AFG1L: variants seen among roughly 807,000 people sequenced by gnomAD.
The protein encoded by AFG1L is AFG1-like ATPase.
Under a neutral mutation model 62.2 loss-of-function variants are expected in AFG1L, and 53 were observed. The ratio of observed to expected loss-of-function variants is 0.85; its 90% CI spans 0.68 to 1.07. The LOEUF (loss-of-function observed/expected upper bound fraction) is 1.07, where lower values mean the gene tolerates loss of function less well. Ranked by LOEUF, AFG1L falls within the 50% of genes least tolerant of loss-of-function variation. The pLI, the probability that AFG1L is intolerant of heterozygous loss-of-function variation, is 0.00. For missense variants in AFG1L, 555 were observed against 590.5 expected (o/e 0.94, Z 0.62); for synonymous variants, 228 against 210.3 (o/e 1.08, Z -0.73).
At chr6:108,358,135 C>G (rs574893399) in intron 5 of AFG1L, among the ~76,000 whole-genome samples, 3 of 152,250 alleles carry the variant, frequency 2.0e-5, no homozygotes, top group African/African-American at 7.2e-5. Context: ...CTCATTGAGT[C>G]GTTTGAAAAA....
intron 8 of AFG1L, among the ~76,000 whole-genome samples, chr6:108,452,012 G>A (rs940607694): frequency 3.9e-5 from 6 of 152,128 alleles, no homozygotes; most frequent in Non-Finnish European, 8.8e-5. Flanking sequence ...CACCACGCCC[G>A]GCCAGTTTGT....
chr6:108,302,996 TCCGCCTC>T (rs1397221813), intron 1 of AFG1L, among the ~76,000 whole-genome samples: 2 of 152,018 alleles, frequency 1.3e-5, no homozygotes, highest in Non-Finnish European at 2.9e-5. Flanking sequence ...CACTGCAACC[TCCGCCTC>T]CCAGGTTCAT....
At position 108,384,150 on chromosome 6, in the gene AFG1L, T is replaced by C. The variant is rs1399936480; in HGVS notation, c.748+17818T>C. On this transcript the variant is annotated intron_variant, in intron 6 of 12. Coordinates refer to ENST00000368977, the MANE Select transcript of AFG1L (RefSeq NM_145315.5). ...AGCATGGAGAGTTTCCTGTTTTTCA[T>C]GATACCAGCCTCAGGGCAGGGTAAA... is the stretch of plus-strand genomic sequence containing the variant. Among the ~76,000 whole-genome samples, 3 of 151,924 alleles carry C rather than the reference T, an allele frequency of 2.0e-5. No individual in the cohort carries two copies. The East Asian group carries it at 5.8e-4, about 29-fold the overall frequency.
At chr6:108,348,138 G>A (rs188531313) in intron 3 of AFG1L, among the ~76,000 whole-genome samples, 18 of 152,286 alleles carry the variant, frequency 1.2e-4, no homozygotes, top group African/African-American at 4.3e-4. Flanking sequence ...TGGTGCGGTG[G>A]CGCGATCTCG....
chr6:108,306,592 T>C (rs748529859), intron 1 of AFG1L, among the ~76,000 whole-genome samples: 2 of 152,236 alleles, frequency 1.3e-5, no homozygotes, highest in Non-Finnish European at 2.9e-5. Flanking sequence ...AAAGGCTTAT[T>C]ATATTTCTCC....
chr6:108,401,948 A>G, intron 6 of AFG1L, 48 bp from the exon 7 acceptor site: 1 of 818,312 alleles, frequency 1.2e-6, no homozygotes, highest in Non-Finnish European at 2.0e-6. Context: ...ATAAATTAAC[A>G]TCATGATTTA....
intron 7 of AFG1L, among the ~76,000 whole-genome samples, chr6:108,415,240 A>T (rs913109611): frequency 1.1e-4 from 16 of 152,200 alleles, no homozygotes; most frequent in Non-Finnish European, 2.4e-4. Context: ...CTTCAAGGAG[A>T]ACTGCAAACC....
At chr6:108,396,641 C>T (rs144607633) in intron 6 of AFG1L, among the ~76,000 whole-genome samples, 13 of 152,182 alleles carry the variant, frequency 8.5e-5, no homozygotes, top group African/African-American at 2.9e-4. Flanking sequence ...CAGGTACTCG[C>T]CACCACCCCC....
At chr6:108,344,441 T>A (rs970273954) in intron 2 of AFG1L, among the ~76,000 whole-genome samples, 3 of 151,122 alleles carry the variant, frequency 2.0e-5, no homozygotes, top group African/African-American at 4.8e-5. Context: ...CATAAAAAAT[T>A]AGCTGGATGT....
At chr6:108,408,834 CT>C (rs1267489179) in intron 7 of AFG1L, among the ~76,000 whole-genome samples, 2 of 149,198 alleles carry the variant, frequency 1.3e-5, no homozygotes, top group African/African-American at 2.5e-5. Flanking sequence ...TTTCTTTTTT[CT>C]TTTTTTTTAG....
At chr6:108,342,156 G>A (rs1778705714) in intron 2 of AFG1L, among the ~76,000 whole-genome samples, 1 of 152,160 alleles carries the variant, frequency 6.6e-6, no homozygotes, top group South Asian at 2.1e-4. Flanking sequence ...AGCAGGGAGG[G>A]ATGGGAGAGA....
intron 7 of AFG1L, among the ~76,000 whole-genome samples, chr6:108,412,434 G>A (rs940526639): frequency 6.6e-6 from 1 of 152,030 alleles, no homozygotes; most frequent in Non-Finnish European, 1.5e-5. Flanking sequence ...GATACTCCTC[G>A]AGAAGAGCAA....
At chr6:108,382,613 G>A (rs556793131) in intron 6 of AFG1L, among the ~76,000 whole-genome samples, 15 of 152,140 alleles carry the variant, frequency 9.9e-5, no homozygotes, top group Non-Finnish European at 1.9e-4. Context: ...TAAAATATAA[G>A]TAAATGAATA....
intron 7 of AFG1L, among the ~76,000 whole-genome samples, chr6:108,440,015 T>G (rs531864126): frequency 6.6e-5 from 10 of 152,316 alleles, no homozygotes; most frequent in African/African-American, 2.2e-4. Flanking sequence ...TATAATATGA[T>G]AGATGTCTAC....
chr6:108,409,909 A>G (rs1261918430), intron 7 of AFG1L, among the ~76,000 whole-genome samples: 2 of 152,212 alleles, frequency 1.3e-5, no homozygotes, highest in African/African-American at 2.4e-5. Context: ...AGAAAACACA[A>G]AGATAAATCA....
At chr6:108,421,589 A>G (rs911249393) in intron 7 of AFG1L, among the ~76,000 whole-genome samples, 5 of 152,114 alleles carry the variant, frequency 3.3e-5, no homozygotes, top group African/African-American at 1.2e-4. Flanking sequence ...TATACTTTTT[A>G]CATAATGGTT....
At chr6:108,307,881 G>A (rs1777266324) in intron 1 of AFG1L, among the ~76,000 whole-genome samples, 1 of 152,074 alleles carries the variant, frequency 6.6e-6, no homozygotes, top group Admixed American at 6.6e-5. Flanking sequence ...AGTGTGTACT[G>A]ATATCTCATT....
intron 7 of AFG1L, among the ~76,000 whole-genome samples, chr6:108,403,130 C>A (rs1374879333): frequency 6.6e-6 from 1 of 151,886 alleles, no homozygotes; most frequent in African/African-American, 2.4e-5. Flanking sequence ...GTTTTTCTGG[C>A]ACATTATTTA....
At chr6:108,389,127 T>G (rs1780923602) in intron 6 of AFG1L, among the ~76,000 whole-genome samples, 1 of 152,232 alleles carries the variant, frequency 6.6e-6, no homozygotes, top group Non-Finnish European at 1.5e-5. Context: ...TTTACCATTA[T>G]GTAATGGCCT....
Sources: allele counts gnomAD v4.1 joint callset (sites outside exome capture counted in the v4.1 genomes callset), GRCh38; gene constraint gnomAD v4.1.1; transcripts MANE v1.5; gene names NCBI Gene and HGNC (gene_info 2026-07-23, HGNC 2026-07-21).